KCNJ5: variants seen among roughly 807,000 people sequenced by gnomAD.
The protein encoded by KCNJ5 is G protein-activated inward rectifier potassium channel 4.
A neutral mutation model predicts 20.2 loss-of-function variants in KCNJ5; 12 were observed. That is an observed-to-expected ratio of 0.59 (90% CI 0.38 to 0.96). The LOEUF (loss-of-function observed/expected upper bound fraction) is 0.96, where lower values mean the gene tolerates loss of function less well. KCNJ5 is among the 40% of genes least tolerant of loss of function. The pLI, the probability that KCNJ5 is intolerant of heterozygous loss-of-function variation, is 0.00. For missense variants in KCNJ5, 449 were observed against 557.6 expected (o/e 0.81, Z 1.96); for synonymous variants, 210 against 213.9 (o/e 0.98, Z 0.16).
rs1449041285 is a variant in KCNJ5 at position 128,916,689 on chromosome 11, C to T, written c.1218C>T (p.Pro406=). 6.2e-7 allele frequency: 1 copy of T among 1,610,556 alleles called. No individual in the cohort carries two copies. The highest frequency in any genetic ancestry group is 1.3e-5 in the African/African-American group (1 of 74,670). ...CTGAGCAGAATGAAGAAGATGAGCC[C>T]AAGGGGCTGGGTGGGTCCAGGGAGG... ...AEAEQNEEDE[P]KGLGGSREAR... Residue 406 remains proline, a synonymous_variant, in exon 3 of 3, where the codon CCC becomes CCT. Coordinates refer to ENST00000529694, the MANE Select transcript of KCNJ5 (RefSeq NM_000890.5).
intron 1 of KCNJ5, chr11:128,901,829 C>T (rs532860520): frequency 1.9e-3 from 287 of 152,622 alleles, no homozygotes; most frequent in Non-Finnish European, 3.1e-3. Context: ...ATGCCTCGTC[C>T]GCCTTCCCAG....
At chr11:128,915,290 T>C (rs1051787546) in intron 2 of KCNJ5, among the ~76,000 whole-genome samples, 4 of 152,206 alleles carry the variant, frequency 2.6e-5, no homozygotes, top group African/African-American at 4.8e-5. Context: ...TGGCACGGGC[T>C]GAGTAGACAG....
Position 128,902,511 on chromosome 11 carries a change from G to T in KCNJ5, c.-10-8753G>T, listed in dbSNP as rs200380845. On this transcript the variant is annotated intron_variant, in intron 1 of 2. Coordinates refer to ENST00000529694, the MANE Select transcript of KCNJ5 (RefSeq NM_000890.5). Reference sequence around the variant, plus strand: ...GGGATGTCATAGCAGCCGTCTGCATGGGGGAGGGGGCTGGGGAGCACAGGG... The same window carrying T: ...GGGATGTCATAGCAGCCGTCTGCATTGGGGAGGGGGCTGGGGAGCACAGGG... 33 of 1,560,598 alleles carry T rather than the reference G, an allele frequency of 2.1e-5. No individual in the cohort carries two copies. In the East Asian group the frequency reaches 6.9e-4, roughly 33 times the overall value.
At chr11:128,892,859 T>C (rs1591436142) in intron 1 of KCNJ5, among the ~76,000 whole-genome samples, 1 of 152,242 alleles carries the variant, frequency 6.6e-6, no homozygotes, top group Non-Finnish European at 1.5e-5. Flanking sequence ...ACACCAGTCC[T>C]GTGGGGCAGA....
chr11:128,891,439 C>CAGAAAGAGAGAGAG lies in KCNJ5; in HGVS notation c.-292_-291insGAAAGAGAGAGAGA, dbSNP rs886048000. On this transcript the variant is annotated 5_prime_UTR_variant, in exon 1 of 3. Transcript: ENST00000529694. ...ACACACACACACACACACACACACA[C>CAGAAAGAGAGAGAG]ACAGAGAGAGAGAGAGAGAGAGAGA... is the stretch of plus-strand genomic sequence containing the variant. The CAGAAAGAGAGAGAG allele has an allele frequency of 2.3e-4, 16 of 68,774 alleles. No homozygotes were observed. Among genetic ancestry groups the CAGAAAGAGAGAGAG allele is most frequent in the African/African-American group, 1.1e-3 (16 of 15,180 alleles). The allele number at this position is 68,774 out of a possible 1,614,324, so 4.3% of individuals were successfully genotyped here.
chr11:128,910,248 A>T (rs1944476644), intron 1 of KCNJ5, among the ~76,000 whole-genome samples: 1 of 152,174 alleles, frequency 6.6e-6, no homozygotes, highest in Non-Finnish European at 1.5e-5. Context: ...CCTGTATTGC[A>T]GGTGTGTGGG....
rs1342566539 is a variant in KCNJ5 at position 128,919,663 on chromosome 11, TTTAA to T, written c.*2939_*2942del. On this transcript the variant is annotated 3_prime_UTR_variant, in exon 3 of 3. Coordinates refer to ENST00000529694, the MANE Select transcript of KCNJ5 (RefSeq NM_000890.5). ...GTTTCAAGGGGTCACTTTCAAAACA[TTTAA>T]TTAATTTATTTATGTAGAGACAGGG... 1 of 152,214 alleles carries T rather than the reference TTTAA, an allele frequency of 6.6e-6. No individual in the cohort carries two copies. Among genetic ancestry groups the T allele is most frequent in the Non-Finnish European group, 1.5e-5 (1 of 68,038 alleles). 9.4% of individuals were successfully genotyped at this position (152,214 alleles called of 1,614,324 possible).
In KCNJ5 at chr11:128,916,724, C is replaced by T. The variant is rs111867535; in HGVS notation, c.1253C>T (p.Ser418Leu). The T allele has an allele frequency of 1.7e-5, 27 of 1,600,746 alleles. No homozygotes were observed. The South Asian group carries it at 2.2e-4, about 13-fold the overall frequency. Reference sequence around the variant, plus strand: ...GGTGGGTCCAGGGAGGCCAGGGGCTCGGTGTGAGGGGTGCAGCCTCCCTAA... The same window carrying T: ...GGTGGGTCCAGGGAGGCCAGGGGCTTGGTGTGAGGGGTGCAGCCTCCCTAA... The part of the protein sequence containing the change: ...GLGGSREARG[S>L]V The change falls in exon 3 of 3, where the codon TCG becomes TTG. Residue 418 changes from serine (S) to leucine (L), a missense_variant. Physicochemically the swap from Ser to Leu is moderately radical, Grantham distance 145 (BLOSUM62 -2). Coordinates refer to ENST00000529694, the MANE Select transcript of KCNJ5 (RefSeq NM_000890.5).
At chr11:128,906,922 T>G (rs1032778587) in intron 1 of KCNJ5, among the ~76,000 whole-genome samples, 1 of 152,186 alleles carries the variant, frequency 6.6e-6, no homozygotes, top group African/African-American at 2.4e-5. Context: ...TTCTGCCTAC[T>G]TACAAGTGCC....
intron 1 of KCNJ5, among the ~76,000 whole-genome samples, chr11:128,894,137 T>G (rs1347407235): frequency 6.6e-6 from 1 of 151,684 alleles, no homozygotes; most frequent in Non-Finnish European, 1.5e-5. Flanking sequence ...CACAAACAGG[T>G]GTCCTGTGCT....
intron 1 of KCNJ5, among the ~76,000 whole-genome samples, chr11:128,893,613 C>T (rs1176738733): frequency 2.0e-5 from 3 of 152,126 alleles, no homozygotes; most frequent in African/African-American, 4.8e-5. Context: ...TATAAACTGC[C>T]GGCATTACTC....
rs150388315 is a variant in KCNJ5 at position 128,916,634 on chromosome 11, G to T, written c.1163G>T (p.Gly388Val). ...CTCCCCAGCCCCCCACTGCTGGGGG[G>T]CTGTGCTGAGGCAGGGCTGGATGCA... Reference protein sequence around the residue: ...QYLPSPPLLGGCAEAGLDAEA... With the variant: ...QYLPSPPLLGVCAEAGLDAEA... The change falls in exon 3 of 3, where the codon GGC (glycine) becomes GTC (valine). Residue 388 changes from glycine (G) to valine (V), a missense_variant. Gly to Val is a moderately radical substitution (Grantham distance 109, BLOSUM62 -3). Around this residue, in one of 5 missense-constraint regions of KCNJ5, gnomAD observed 64 missense variants for 51.3 expected, o/e 1.25. Transcript: ENST00000529694. 6.2e-7 allele frequency: 1 copy of T among 1,613,794 alleles called. No homozygotes were observed. The highest frequency in any genetic ancestry group is 8.5e-7 in the Non-Finnish European group (1 of 1,179,872).
intron 1 of KCNJ5, among the ~76,000 whole-genome samples, chr11:128,898,540 C>T (rs563781572): frequency 8.5e-4 from 129 of 152,374 alleles, no homozygotes; most frequent in African/African-American, 3.0e-3. Context: ...AGCTGGGTCT[C>T]TCATCTGTTC....
chr11:128,909,341 G>A (rs1944467396), intron 1 of KCNJ5, among the ~76,000 whole-genome samples: 1 of 152,186 alleles, frequency 6.6e-6, no homozygotes, highest in East Asian at 1.9e-4. Flanking sequence ...GGTGGCAGGG[G>A]AATTCCTGCA....
intron 1 of KCNJ5, among the ~76,000 whole-genome samples, chr11:128,906,188 C>T (rs1023971866): frequency 3.9e-5 from 6 of 152,182 alleles, no homozygotes; most frequent in Non-Finnish European, 8.8e-5. Context: ...TTGGTGAGTA[C>T]TGTTATCCCC....
In KCNJ5 at chr11:128,916,996, T is replaced by C. The variant is rs567834519; in HGVS notation, c.*265T>C. ...GGCCAGGCCAGGATGAGTTTCCCCA[T>C]GGTGAATGTTACCGGATGGCATCTG... is the stretch of plus-strand genomic sequence containing the variant. On this transcript the variant is annotated 3_prime_UTR_variant, in exon 3 of 3. Transcript: ENST00000529694. 19 of 433,324 alleles carry C rather than the reference T, an allele frequency of 4.4e-5. No individual in the cohort carries two copies. The highest frequency in any genetic ancestry group is 3.5e-4 in the East Asian group (9 of 25,968). The allele number at this position is 433,324 out of a possible 1,614,324, so 26.8% of individuals were successfully genotyped here.
intron 2 of KCNJ5, 27 bp from the exon 3 acceptor site, chr11:128,916,382 T>C (rs1944583070): frequency 2.0e-6 from 3 of 1,533,732 alleles, no homozygotes; most frequent in Non-Finnish European, 2.7e-6. Context: ...GATTGCATCA[T>C]AATGCATGTA....
intron 2 of KCNJ5, among the ~76,000 whole-genome samples, chr11:128,913,518 G>A (rs548645292): frequency 5.9e-5 from 9 of 151,716 alleles, no homozygotes; most frequent in Non-Finnish European, 8.8e-5. Flanking sequence ...CACCCCACTC[G>A]CAGCAAAACC....
rs1340787109 is a variant in KCNJ5 at position 128,911,432 on chromosome 11, C to A, written c.159C>A (p.Tyr53Ter). 3 of 1,614,256 alleles carry A rather than the reference C, an allele frequency of 1.9e-6. No homozygotes were observed. In the South Asian group the frequency reaches 3.3e-5, roughly 18 times the overall value. The change falls in exon 2 of 3, where the codon TAC becomes TAA. Residue 53 changes from tyrosine (Y) to a stop codon, truncating the protein, a stop_gained. Coordinates refer to ENST00000529694, the MANE Select transcript of KCNJ5 (RefSeq NM_000890.5). LOFTEE classifies it high-confidence loss of function. The surrounding 1 kb of genome is among the most constrained non-coding windows in gnomAD (Gnocchi z 6.3). ...AGGGCAAGAAGCCACGCCAGCGCTACATGGAGAAGAGTGGCAAGTGCAACG... is the reference window on the plus strand; with the variant it reads ...AGGGCAAGAAGCCACGCCAGCGCTAAATGGAGAAGAGTGGCAAGTGCAACG... ...LAEGKKPRQR[Y>*]MEKSGKCNVH...
Sources: allele counts gnomAD v4.1 joint callset (sites outside exome capture counted in the v4.1 genomes callset), GRCh38; gene constraint gnomAD v4.1.1; regional missense constraint gnomAD v4.1.1; non-coding constraint Gnocchi (gnomAD v3.1); transcripts MANE v1.5; gene names NCBI Gene and HGNC (gene_info 2026-07-23, HGNC 2026-07-21).